The following KCND2 variants were observed in gnomAD, a reference collection of about 807,000 sequenced individuals.
KCND2 encodes potassium voltage-gated channel subfamily D member 2, also known as A-type voltage-gated potassium channel KCND2.
A neutral mutation model predicts 54.4 loss-of-function variants in KCND2; 16 were observed. The ratio of observed to expected loss-of-function variants is 0.29; its 90% CI spans 0.20 to 0.45. The LOEUF is 0.45. Among genes scored for constraint, KCND2 ranks in the 20% least tolerant of loss-of-function variants. The pLI is 1.00. For synonymous variants in KCND2, 317 were observed against 310.7 expected (o/e 1.02, Z -0.21); for missense variants, 486 against 824.2 (o/e 0.59, Z 5.02).
At chr7:120,279,048 C>T (rs1270985661) in intron 1 of KCND2, among the ~76,000 whole-genome samples, 1 of 151,832 alleles carries the variant, frequency 6.6e-6, no homozygotes, top group East Asian at 1.9e-4. Flanking sequence ...CCTGGAACTC[C>T]TCTTTTGTCC....
At chr7:120,694,806 T>A (rs1792314645) in intron 1 of KCND2, among the ~76,000 whole-genome samples, 1 of 152,174 alleles carries the variant, frequency 6.6e-6, no homozygotes, top group Non-Finnish European at 1.5e-5. Context: ...CCATTACCTG[T>A]CTGTGCAGTG....
Position 120,746,040 on chromosome 7 carries a change from A to G in KCND2, c.1715+13A>G. ...CTCTGTCTAACAGGTACCTGAGATT[A>G]ATCTGTGTTGTCTACACACCTGTGC... On this transcript the variant is annotated intron_variant, in intron 5 of 5. Transcript: ENST00000331113. 6.2e-7 allele frequency: 1 copy of G among 1,611,690 alleles called. No individual in the cohort carries two copies. Among genetic ancestry groups the G allele is most frequent in the Non-Finnish European group, 8.5e-7 (1 of 1,179,550 alleles).
intron 1 of KCND2, among the ~76,000 whole-genome samples, chr7:120,336,003 A>G (rs2116356884): frequency 6.6e-6 from 1 of 152,198 alleles, no homozygotes; most frequent in East Asian, 1.9e-4. Flanking sequence ...CATAAGGAGT[A>G]AAAACATTCT....
chr7:120,529,515 T>C (rs1229488447), intron 1 of KCND2, among the ~76,000 whole-genome samples: 1 of 152,154 alleles, frequency 6.6e-6, no homozygotes, highest in East Asian at 1.9e-4. Flanking sequence ...AGCAAAAGTG[T>C]CTTTCCTAGT....
At chr7:120,592,410 T>G (rs1792683541) in intron 1 of KCND2, among the ~76,000 whole-genome samples, 1 of 151,706 alleles carries the variant, frequency 6.6e-6, no homozygotes. Flanking sequence ...TTAGCGGGCG[T>G]GGTGGTGATC....
chr7:120,340,116 G>C (rs1800219947), intron 1 of KCND2, among the ~76,000 whole-genome samples: 1 of 152,166 alleles, frequency 6.6e-6, no homozygotes, highest in Non-Finnish European at 1.5e-5. Flanking sequence ...GAGCAGAAGA[G>C]AGACTTACAT....
intron 1 of KCND2, among the ~76,000 whole-genome samples, chr7:120,358,726 C>T (rs1378721974): frequency 2.6e-5 from 4 of 152,178 alleles, no homozygotes; most frequent in African/African-American, 9.6e-5. Flanking sequence ...AACCCAACTA[C>T]TGCAGAAGTC....
intron 1 of KCND2, among the ~76,000 whole-genome samples, chr7:120,468,757 A>C (rs567844500): frequency 1.4e-4 from 21 of 152,246 alleles, no homozygotes; most frequent in African/African-American, 5.1e-4. Context: ...GAAGAACTTA[A>C]CGGCTGAATT....
intron 1 of KCND2, among the ~76,000 whole-genome samples, chr7:120,665,444 T>C (rs1315582317): frequency 6.6e-6 from 1 of 152,074 alleles, no homozygotes; most frequent in Non-Finnish European, 1.5e-5. Flanking sequence ...CTTAAATTAA[T>C]TCCTCATTAA....
chr7:120,551,931 G>T lies in KCND2; in HGVS notation c.1116-180972G>T, dbSNP rs548827500. On this transcript the variant is annotated intron_variant, in intron 1 of 5. Coordinates refer to ENST00000331113, the MANE Select transcript of KCND2 (RefSeq NM_012281.3). ...TTTCTGGAGGTCATCAGAAAAACCAGGAGACAGAATGCTAGTGCTTGTTGT... is the reference window on the plus strand; with the variant it reads ...TTTCTGGAGGTCATCAGAAAAACCATGAGACAGAATGCTAGTGCTTGTTGT... Among the ~76,000 whole-genome samples the T allele has an allele frequency of 2.6e-5, 4 of 152,236 alleles. No homozygotes were observed. In the South Asian group the frequency reaches 8.3e-4, roughly 32 times the overall value.
intron 1 of KCND2, among the ~76,000 whole-genome samples, chr7:120,539,831 A>G (rs1053193948): frequency 6.6e-6 from 1 of 152,140 alleles, no homozygotes; most frequent in Non-Finnish European, 1.5e-5. Flanking sequence ...CATGTGATTC[A>G]TTAGTTCCCT....
intron 1 of KCND2, among the ~76,000 whole-genome samples, chr7:120,621,425 C>G (rs574973056): frequency 6.6e-6 from 1 of 151,730 alleles, no homozygotes; most frequent in Non-Finnish European, 1.5e-5. Context: ...AATTTTTGCA[C>G]TGTGCCCATG....
intron 1 of KCND2, among the ~76,000 whole-genome samples, chr7:120,634,211 A>C: frequency 6.6e-6 from 1 of 152,178 alleles, no homozygotes; most frequent in East Asian, 1.9e-4. Flanking sequence ...CTGCTTGAGG[A>C]TGTTCAACAA....
At chr7:120,487,870 A>C (rs747532200) in intron 1 of KCND2, among the ~76,000 whole-genome samples, 2 of 152,096 alleles carry the variant, frequency 1.3e-5, no homozygotes, top group African/African-American at 4.8e-5. Flanking sequence ...ATAACGAGTA[A>C]AAAACCAAAT....
At chr7:120,398,869 A>G (rs1801198705) in intron 1 of KCND2, among the ~76,000 whole-genome samples, 1 of 152,006 alleles carries the variant, frequency 6.6e-6, no homozygotes, top group African/African-American at 2.4e-5. Flanking sequence ...CAATAGGGAA[A>G]CTGTTAGAGT....
intron 1 of KCND2, among the ~76,000 whole-genome samples, chr7:120,643,671 C>A (rs962038881): frequency 6.6e-6 from 1 of 151,634 alleles, no homozygotes; most frequent in African/African-American, 2.4e-5. Flanking sequence ...CAACTTATTT[C>A]AGAAAATTTA....
At chr7:120,447,371 A>G (rs947369526) in intron 1 of KCND2, among the ~76,000 whole-genome samples, 27 of 152,068 alleles carry the variant, frequency 1.8e-4, no homozygotes, top group South Asian at 4.1e-4. Flanking sequence ...AAAAAGAAAA[A>G]AAAAAGAAAA....
rs894290649 is a variant in KCND2, at chr7:120,748,409, T to C, written c.*551T>C. On this transcript the variant is annotated 3_prime_UTR_variant, in exon 6 of 6. Coordinates refer to ENST00000331113, the MANE Select transcript of KCND2 (RefSeq NM_012281.3). ...TCAGAATAGGCATGATAAACTATAA[T>C]TGTAGAAAGGGGTAATTTCTGTGCA... 1.3e-5 allele frequency: 2 copies of C among 153,456 alleles called. No individual in the cohort carries two copies. Among genetic ancestry groups the C allele is most frequent in the African/African-American group, 4.8e-5 (2 of 41,442 alleles). The allele number at this position is 153,456 out of a possible 1,614,324, so 9.5% of individuals were successfully genotyped here.
At chr7:120,421,352 GATA>G in intron 1 of KCND2, among the ~76,000 whole-genome samples, 1 of 152,336 alleles carries the variant, frequency 6.6e-6, no homozygotes, top group Non-Finnish European at 1.5e-5. Context: ...TTTACCTAGA[GATA>G]ATGATGCAGG....
Sources: allele counts gnomAD v4.1 joint callset (sites outside exome capture counted in the v4.1 genomes callset), GRCh38; gene constraint gnomAD v4.1.1; transcripts MANE v1.5; gene names NCBI Gene and HGNC (gene_info 2026-07-23, HGNC 2026-07-21).